The following MRPL35 variants were observed in gnomAD, a reference collection of about 807,000 sequenced individuals.
MRPL35 encodes the protein mitochondrial ribosomal protein L35.
In MRPL35, 18 loss-of-function variants were observed where a neutral mutation model predicts 21.6. The observed-to-expected ratio is 0.83, with a 90% confidence interval of 0.58 to 1.24. The LOEUF (loss-of-function observed/expected upper bound fraction) is 1.24, where lower values mean the gene tolerates loss of function less well. MRPL35 is among the 50% of genes most tolerant of loss of function. MRPL35 has a pLI of 0.00. For synonymous variants in MRPL35, 87 were observed against 86.9 expected (o/e 1.00, Z -0.01); for missense variants, 223 against 223.2 (o/e 1.00, Z 0.01).
chr2:86,208,742 C>T (rs542371382), intron 3 of MRPL35, among the ~76,000 whole-genome samples: 38 of 152,172 alleles, frequency 2.5e-4, no homozygotes, highest in Admixed American at 4.6e-4. Context: ...CTGTAAAGGA[C>T]CCGATCATAC....
Position 86,211,791 on chromosome 2 carries a change from CTGAG to C in MRPL35, c.*1125_*1128del. On this transcript the variant is annotated 3_prime_UTR_variant, in exon 4 of 4. Coordinates refer to ENST00000337109, the MANE Select transcript of MRPL35 (RefSeq NM_016622.4). ...CAAGTGGTCCTCCTGCCTCAGCTTA[CTGAG>C]TAAGGATATGTATTTCTTAAAAGTT... 1 of 985,246 alleles carries C rather than the reference CTGAG, an allele frequency of 1.0e-6. No individual in the cohort carries two copies. The highest frequency in any genetic ancestry group is 1.2e-6 in the Non-Finnish European group (1 of 829,758). The allele number at this position is 985,246 out of a possible 1,614,324, so 61.0% of individuals were successfully genotyped here.
chr2:86,205,438 A>G (rs1373473933), intron 1 of MRPL35, among the ~76,000 whole-genome samples: 2 of 152,150 alleles, frequency 1.3e-5, no homozygotes, highest in Non-Finnish European at 2.9e-5. Context: ...TTGCAGAGAA[A>G]GAAGAGGTGG....
intron 3 of MRPL35, 147 bp from the exon 4 acceptor site, chr2:86,210,333 T>C (rs566531566): frequency 7.8e-6 from 1 of 127,494 alleles, no homozygotes; most frequent in Non-Finnish European, 1.5e-5. Flanking sequence ...CCCCCGGCCA[T>C]TGAGAATCAC....
At chr2:86,201,382 A>G (rs183039961) in intron 1 of MRPL35, among the ~76,000 whole-genome samples, 1 of 151,830 alleles carries the variant, frequency 6.6e-6, no homozygotes, top group East Asian at 1.9e-4. Context: ...CCATTTTCCT[A>G]TTGGATTGTT....
chr2:86,200,278 T>C (rs1489016447), intron 1 of MRPL35, among the ~76,000 whole-genome samples: 1 of 152,104 alleles, frequency 6.6e-6, no homozygotes, highest in Non-Finnish European at 1.5e-5. Flanking sequence ...GAGAAAAGCT[T>C]TTTTTATGTG....
At chr2:86,202,623 AG>A in intron 1 of MRPL35, among the ~76,000 whole-genome samples, 1 of 151,184 alleles carries the variant, frequency 6.6e-6, no homozygotes, top group South Asian at 2.1e-4. Context: ...TTGATTTCCA[AG>A]GCCCTATGTA....
In MRPL35 at chr2:86,207,275, C is replaced by T; in HGVS notation, c.326C>T (p.Ala109Val). 1 of 1,614,052 alleles carries T rather than the reference C, an allele frequency of 6.2e-7. No individual in the cohort carries two copies. The highest frequency in any genetic ancestry group is 8.5e-7 in the Non-Finnish European group (1 of 1,179,944). ...AAAGGCAAGAGAAAGACCGTGAAAG[C>T]TGTCATCGATAGGTTTCTTCGACTT... The part of the protein sequence containing the change: ...ARKGKRKTVK[A>V]VIDRFLRLHC... Residue 109 changes from alanine (A) to valine (V), a missense_variant, in exon 3 of 4, where the codon GCT becomes GTT. Transcript: ENST00000337109.
chr2:86,203,945 TTCTAAGTCCC>T (rs1673738670), intron 1 of MRPL35, among the ~76,000 whole-genome samples: 1 of 151,994 alleles, frequency 6.6e-6, no homozygotes, highest in Admixed American at 6.6e-5. Context: ...AGGAGAGTAG[TTCTAAGTCCC>T]AGCCAAGCAT....
At chr2:86,210,116 T>TA (rs1474836526) in intron 3 of MRPL35, among the ~76,000 whole-genome samples, 1 of 152,234 alleles carries the variant, frequency 6.6e-6, no homozygotes, top group Non-Finnish European at 1.5e-5. Flanking sequence ...AGTATGTTGT[T>TA]AAAGATTGCT....
rs1036065371 is a variant in MRPL35, at chr2:86,207,182, G to A, written c.234-1G>A. 1 of 1,597,784 alleles carries A rather than the reference G, an allele frequency of 6.3e-7. No homozygotes were observed. Among genetic ancestry groups the A allele is most frequent in the African/African-American group, 1.4e-5 (1 of 73,488 alleles). On this transcript the variant is annotated splice_acceptor_variant, in intron 2 of 3. Transcript: ENST00000337109. LOFTEE classifies it high-confidence loss of function. ...CTAAAAATTTTAAAATATATTTTTA[G>A]AATGGCCCCCGTGCTTCCAAGTGTC...
At position 86,212,519 on chromosome 2, in the gene MRPL35, G is replaced by A. The variant is rs752167744; in HGVS notation, c.*1851G>A. 183 of 1,602,814 alleles carry A rather than the reference G, an allele frequency of 1.1e-4. No homozygotes were observed. Among genetic ancestry groups the A allele is most frequent in the Non-Finnish European group, 1.4e-4 (166 of 1,175,414 alleles). On this transcript the variant is annotated 3_prime_UTR_variant, in exon 4 of 4. Coordinates refer to ENST00000337109, the MANE Select transcript of MRPL35 (RefSeq NM_016622.4). ...ACCTCTGGGTAGTGAGATGGAAATG[G>A]TGCCTGCAGAAGTTGGGGAGAAGGA... is the stretch of plus-strand genomic sequence containing the variant.
intron 3 of MRPL35, among the ~76,000 whole-genome samples, chr2:86,209,781 A>AT (rs1368351586): frequency 6.6e-6 from 1 of 152,194 alleles, no homozygotes; most frequent in African/African-American, 2.4e-5. Context: ...CCTCCTCTAC[A>AT]TTAGGAAAGA....
intron 3 of MRPL35, among the ~76,000 whole-genome samples, chr2:86,207,713 C>T (rs913862440): frequency 1.1e-4 from 16 of 152,156 alleles, no homozygotes; most frequent in African/African-American, 3.9e-4. Context: ...GTAGCTCATG[C>T]CTGTAATCCC....
At position 86,213,585 on chromosome 2, in the gene MRPL35, G is replaced by C. The variant is rs1235996133; in HGVS notation, c.*2917G>C. On this transcript the variant is annotated 3_prime_UTR_variant, in exon 4 of 4. Coordinates refer to ENST00000337109, the MANE Select transcript of MRPL35 (RefSeq NM_016622.4). ...GATGTGAAAGGTAAGGGCTGCAGCA[G>C]GTTTAAGGGTGGCCCTTCACCACCC... 5.2e-6 allele frequency: 8 copies of C among 1,549,124 alleles called. No homozygotes were observed. In the South Asian group the frequency reaches 8.3e-5, roughly 16 times the overall value.
In MRPL35 at chr2:86,212,449, G is replaced by A. The variant is rs769018540; in HGVS notation, c.*1781G>A. On this transcript the variant is annotated 3_prime_UTR_variant, in exon 4 of 4. Coordinates refer to ENST00000337109, the MANE Select transcript of MRPL35 (RefSeq NM_016622.4). ...AGACGGCAAAGCCAACCACTTAGAA[G>A]CCTTCCACATCTTTGTCACCTGCCT... The A allele has an allele frequency of 1.2e-6, 2 of 1,613,826 alleles. No homozygotes were observed. Among genetic ancestry groups the A allele is most frequent in the South Asian group, 2.2e-5 (2 of 91,028 alleles).
intron 1 of MRPL35, among the ~76,000 whole-genome samples, chr2:86,200,591 A>G (rs1369170631): frequency 6.6e-6 from 1 of 152,246 alleles, no homozygotes; most frequent in Non-Finnish European, 1.5e-5. Context: ...ATTGGTTCAT[A>G]CAGTATATAC....
At chr2:86,203,695 T>G (rs535460927) in intron 1 of MRPL35, among the ~76,000 whole-genome samples, 26 of 152,194 alleles carry the variant, frequency 1.7e-4, no homozygotes, top group Non-Finnish European at 3.2e-4. Flanking sequence ...GTTTTCTCTG[T>G]GCTACCCTTC....
intron 1 of MRPL35, among the ~76,000 whole-genome samples, chr2:86,202,621 C>T (rs1369524461): frequency 3.4e-5 from 5 of 148,224 alleles, no homozygotes; most frequent in Non-Finnish European, 7.5e-5. Flanking sequence ...ATTTGATTTC[C>T]AAGGCCCTAT....
chr2:86,212,524 T>C lies in MRPL35; in HGVS notation c.*1856T>C. The C allele has an allele frequency of 6.3e-7, 1 of 1,599,024 alleles. No homozygotes were observed. On this transcript the variant is annotated 3_prime_UTR_variant, in exon 4 of 4. Coordinates refer to ENST00000337109, the MANE Select transcript of MRPL35 (RefSeq NM_016622.4). ...TGGGTAGTGAGATGGAAATGGTGCC[T>C]GCAGAAGTTGGGGAGAAGGATACTT...
Sources: allele counts gnomAD v4.1 joint callset (sites outside exome capture counted in the v4.1 genomes callset), GRCh38; gene constraint gnomAD v4.1.1; transcripts MANE v1.5; gene names NCBI Gene and HGNC (gene_info 2026-07-23, HGNC 2026-07-21).